The following CA10 variants were observed in gnomAD, a reference collection of about 807,000 sequenced individuals.
The protein encoded by CA10 is carbonic anhydrase-related protein 10.
Under a neutral mutation model 44.2 loss-of-function variants are expected in CA10, and 14 were observed. That is an observed-to-expected ratio of 0.32 (90% CI 0.21 to 0.50). The LOEUF is 0.50. Among genes scored for constraint, CA10 ranks in the 20% least tolerant of loss-of-function variants. CA10 has a pLI of 0.99. For synonymous variants in CA10, 159 were observed against 141.6 expected (o/e 1.12, Z -0.87); for missense variants, 350 against 409.7 (o/e 0.85, Z 1.26).
At chr17:51,964,725 A>G (rs1340699088) in intron 2 of CA10, among the ~76,000 whole-genome samples, 1 of 151,930 alleles carries the variant, frequency 6.6e-6, no homozygotes, top group Non-Finnish European at 1.5e-5. Context: ...AAAAGACTCC[A>G]TATACCAAAG....
intron 4 of CA10, among the ~76,000 whole-genome samples, chr17:51,728,460 G>A (rs1040818962): frequency 6.6e-6 from 1 of 152,120 alleles, no homozygotes; most frequent in Admixed American, 6.5e-5. Context: ...TCCAATCTGT[G>A]ATAGATCCTC....
chr17:51,779,566 T>A (rs957405591), intron 3 of CA10, among the ~76,000 whole-genome samples: 1 of 152,144 alleles, frequency 6.6e-6, no homozygotes, highest in Non-Finnish European at 1.5e-5. Context: ...GAATTACCCT[T>A]TGTTTGGGTG....
chr17:52,146,946 A>G (rs1989602027), intron 1 of CA10, among the ~76,000 whole-genome samples: 1 of 151,950 alleles, frequency 6.6e-6, no homozygotes, highest in Non-Finnish European at 1.5e-5. Context: ...CTTTCCTCTC[A>G]CCAAGCACCT....
intron 4 of CA10, among the ~76,000 whole-genome samples, chr17:51,684,850 G>A (rs1463966463): frequency 6.6e-6 from 1 of 152,152 alleles, no homozygotes; most frequent in Non-Finnish European, 1.5e-5. Flanking sequence ...ATTAAAAAGT[G>A]TAAGCTGAAA....
At chr17:52,041,204 TTCACAATA>T (rs1474346917) in intron 2 of CA10, among the ~76,000 whole-genome samples, 1 of 151,554 alleles carries the variant, frequency 6.6e-6, no homozygotes, top group Non-Finnish European at 1.5e-5. Flanking sequence ...AAAAGTAAAA[TTCACAATA>T]TCTACCATCA....
intron 3 of CA10, among the ~76,000 whole-genome samples, chr17:51,910,924 A>G (rs1981765639): frequency 6.6e-6 from 1 of 152,176 alleles, no homozygotes. Context: ...TCGCCTTTCA[A>G]TTTATCACTT....
At chr17:52,052,182 C>T (rs1987091969) in intron 2 of CA10, among the ~76,000 whole-genome samples, 1 of 151,506 alleles carries the variant, frequency 6.6e-6, no homozygotes, top group East Asian at 2.0e-4. Context: ...GTAATGGGTA[C>T]TAGGCTTAAT....
intron 4 of CA10, among the ~76,000 whole-genome samples, chr17:51,677,327 T>C (rs568410077): frequency 5.3e-5 from 8 of 152,222 alleles, no homozygotes; most frequent in African/African-American, 1.9e-4. Context: ...GTTCTTGTGA[T>C]AGTGAGTGAG....
At position 51,707,259 on chromosome 17, in the gene CA10, G is replaced by A. The variant is rs1056416324; in HGVS notation, c.465+40374C>T. On this transcript the variant is annotated intron_variant, in intron 4 of 8. Coordinates refer to ENST00000451037, the MANE Select transcript of CA10 (RefSeq NM_020178.5). ...AAGGTTAGTGTGGGCCAGGCTCCCC[G>A]AGCATTCTTTTTATAGAGATTCTGC... Among the ~76,000 whole-genome samples, 8 of 152,238 alleles carry A rather than the reference G, an allele frequency of 5.3e-5. No individual in the cohort carries two copies. In the East Asian group the frequency reaches 1.2e-3, roughly 22 times the overall value.
intron 4 of CA10, among the ~76,000 whole-genome samples, chr17:51,735,408 G>T (rs143384910): frequency 6.6e-6 from 1 of 152,102 alleles, no homozygotes; most frequent in Non-Finnish European, 1.5e-5. Context: ...GGAAGCAAGC[G>T]TTGAAGAACT....
At chr17:51,685,991 G>T (rs201114141) in intron 4 of CA10, among the ~76,000 whole-genome samples, 1 of 151,490 alleles carries the variant, frequency 6.6e-6, no homozygotes, top group South Asian at 2.1e-4. Context: ...GGGCTAACAC[G>T]GTTTGGCTGT....
At chr17:51,750,937 C>T (rs569305136) in intron 3 of CA10, among the ~76,000 whole-genome samples, 1 of 152,244 alleles carries the variant, frequency 6.6e-6, no homozygotes, top group East Asian at 1.9e-4. Context: ...TGTGAATTTT[C>T]CCAGTACTTG....
chr17:51,766,020 C>T (rs1015679211), intron 3 of CA10, among the ~76,000 whole-genome samples: 4 of 151,994 alleles, frequency 2.6e-5, no homozygotes, highest in South Asian at 2.1e-4. Flanking sequence ...ACAGGAATGC[C>T]GGGCAGCAAA....
chr17:51,764,557 A>C (rs2143643679), intron 3 of CA10, among the ~76,000 whole-genome samples: 1 of 152,270 alleles, frequency 6.6e-6, no homozygotes, highest in African/African-American at 2.4e-5. Flanking sequence ...GAACCTAGTC[A>C]CTAGAGGGCA....
intron 2 of CA10, among the ~76,000 whole-genome samples, chr17:52,071,522 C>A (rs537180261): frequency 6.6e-6 from 1 of 152,312 alleles, no homozygotes; most frequent in East Asian, 1.9e-4. Context: ...TTGCCACCAA[C>A]TACAGAGACC....
At chr17:51,937,187 T>C (rs914580882) in intron 2 of CA10, among the ~76,000 whole-genome samples, 1 of 152,198 alleles carries the variant, frequency 6.6e-6, no homozygotes, top group Non-Finnish European at 1.5e-5. Context: ...AGCCTTCCAC[T>C]TCAATATAGC....
intron 4 of CA10, among the ~76,000 whole-genome samples, chr17:51,672,541 G>A (rs1306098015): frequency 2.0e-5 from 3 of 152,060 alleles, no homozygotes; most frequent in South Asian, 2.1e-4. Context: ...GTGGGGGGCC[G>A]GGGGACCAAA....
intron 2 of CA10, among the ~76,000 whole-genome samples, chr17:51,974,333 G>A (rs1180471165): frequency 6.7e-6 from 1 of 149,370 alleles, no homozygotes; most frequent in Non-Finnish European, 1.5e-5. Context: ...GCAGTGAGCC[G>A]AGATCACGTC....
chr17:51,899,804 C>A (rs1438105380), intron 3 of CA10, among the ~76,000 whole-genome samples: 1 of 151,580 alleles, frequency 6.6e-6, no homozygotes, highest in Non-Finnish European at 1.5e-5. Flanking sequence ...TAATGCCCTT[C>A]TTTGTATTTT....
Sources: allele counts gnomAD v4.1 joint callset (sites outside exome capture counted in the v4.1 genomes callset), GRCh38; gene constraint gnomAD v4.1.1; transcripts MANE v1.5; gene names NCBI Gene and HGNC (gene_info 2026-07-23, HGNC 2026-07-21).